MSL2: variants seen among roughly 807,000 people sequenced by gnomAD.
MSL2 encodes the protein E3 ubiquitin-protein ligase MSL2.
A neutral mutation model predicts 35.8 loss-of-function variants in MSL2; 2 were observed. The observed-to-expected ratio is 0.06, with a 90% CI of 0.02 to 0.18. The LOEUF (loss-of-function observed/expected upper bound fraction) is 0.18. Among genes scored for constraint, MSL2 ranks in the 10% least tolerant of loss-of-function variants. The pLI is 1.00. For synonymous variants in MSL2, 296 were observed against 255.7 expected (o/e 1.16, Z -1.50); for missense variants, 523 against 706.7 (o/e 0.74, Z 2.95).
intron 1 of MSL2, chr3:136,194,540 A>C (rs1940781133): frequency 1.5e-6 from 1 of 671,996 alleles, no homozygotes; most frequent in Non-Finnish European, 1.8e-6. Context: ...CACCACTCCC[A>C]CGTAACACCA....
chr3:136,190,223 G>A (rs1318836583), intron 1 of MSL2, among the ~76,000 whole-genome samples: 2 of 152,156 alleles, frequency 1.3e-5, no homozygotes, highest in Admixed American at 6.5e-5. Flanking sequence ...CCTGTGCCAT[G>A]TGTCTTATTC....
intron 1 of MSL2, among the ~76,000 whole-genome samples, chr3:136,184,903 A>T (rs1006074474): frequency 6.6e-6 from 1 of 152,088 alleles, no homozygotes; most frequent in African/African-American, 2.4e-5. Context: ...CTGTTGCAAA[A>T]CCTCATACTT....
At chr3:136,179,041 G>A (rs1371636034) in intron 1 of MSL2, among the ~76,000 whole-genome samples, 5 of 138,300 alleles carry the variant, frequency 3.6e-5, no homozygotes, top group African/African-American at 8.1e-5. Flanking sequence ...AGGCTGGAAC[G>A]CAGTGGCACA....
chr3:136,184,951 G>C lies in MSL2; in HGVS notation c.142+10021C>G, dbSNP rs532138491. 9.2e-5 allele frequency among the ~76,000 whole-genome samples: 14 copies of C among 152,180 alleles called. No individual in the cohort carries two copies. In the South Asian group the frequency reaches 2.7e-3, roughly 29 times the overall value. ...CCTAAAAATTTGGATTTTTATGTGA[G>C]GTCTAGGTTTGGAAACAGTAACCAC... On this transcript the variant is annotated intron_variant, in intron 1 of 1. Transcript: ENST00000309993.
At chr3:136,190,922 T>C (rs538853383) in intron 1 of MSL2, among the ~76,000 whole-genome samples, 1 of 152,300 alleles carries the variant, frequency 6.6e-6, no homozygotes, top group East Asian at 1.9e-4. Context: ...TCCCATTCAC[T>C]AGAAGCTTCA....
intron 1 of MSL2, among the ~76,000 whole-genome samples, chr3:136,167,498 CT>C (rs1322750126): frequency 3.9e-5 from 6 of 152,158 alleles, no homozygotes; most frequent in African/African-American, 1.4e-4. Context: ...CTCCATAATT[CT>C]TTTTCTGGTC....
chr3:136,151,955 T>G lies in MSL2; in HGVS notation c.926A>C (p.Gln309Pro), dbSNP rs139311655. 1 of 1,614,098 alleles carries G rather than the reference T, an allele frequency of 6.2e-7. No individual in the cohort carries two copies. The highest frequency in any genetic ancestry group is 1.3e-5 in the African/African-American group (1 of 74,930). Residue 309 changes from glutamine (Q) to proline (P), a missense_variant, in exon 2 of 2, where the codon CAG becomes CCG. Gln to Pro is a moderately conservative substitution (Grantham distance 76). Coordinates refer to ENST00000309993, the MANE Select transcript of MSL2 (RefSeq NM_018133.4). The surrounding 1 kb of genome is among the most constrained non-coding windows in gnomAD (Gnocchi z 5.2). The stretch of plus-strand genomic sequence containing the variant: ...CATAAAAACATTATGGCTAAGAGAC[T>G]GGGAAGAAAGCTGCAGAAAAGGTCC... ...SNGPFLQLSS[Q>P]SLSHNVFMST...
intron 1 of MSL2, among the ~76,000 whole-genome samples, chr3:136,183,031 C>G (rs1940413358): frequency 6.6e-6 from 1 of 151,878 alleles, no homozygotes; most frequent in Non-Finnish European, 1.5e-5. Flanking sequence ...AAGGATCAAA[C>G]AGTCTCCAAG....
intron 1 of MSL2, among the ~76,000 whole-genome samples, chr3:136,193,583 T>G (rs187553468): frequency 7.8e-4 from 113 of 144,748 alleles, no homozygotes; most frequent in Middle Eastern, 7.0e-3. Context: ...GTGAGGACAT[T>G]AAAAAAAAAA....
intron 1 of MSL2, among the ~76,000 whole-genome samples, chr3:136,188,441 A>AG (rs1239853929): frequency 9.3e-5 from 12 of 129,624 alleles, no homozygotes; most frequent in African/African-American, 3.3e-4. Flanking sequence ...TGGAAGAAGA[A>AG]AAAAAAAAAA....
intron 1 of MSL2, among the ~76,000 whole-genome samples, chr3:136,167,100 T>TATTATC: frequency 6.6e-6 from 1 of 152,272 alleles, no homozygotes; most frequent in East Asian, 1.9e-4. Flanking sequence ...GGCTAATACT[T>TATTATC]AGCAAAATTT....
At position 136,151,025 on chromosome 3, in the gene MSL2, GA is replaced by G. The variant is rs1939347796; in HGVS notation, c.*121del. 1 of 1,099,510 alleles carries G rather than the reference GA, an allele frequency of 9.1e-7. No homozygotes were observed. Among genetic ancestry groups the G allele is most frequent in the African/African-American group, 1.6e-5 (1 of 63,678 alleles). The allele number at this position is 1,099,510 out of a possible 1,614,324, so 68.1% of individuals were successfully genotyped here. ...ACACTAACACATATAACTTAGCAAT[GA>G]AAACACTTGATACAAGTGATCTATA... On this transcript the variant is annotated 3_prime_UTR_variant, in exon 2 of 2. Coordinates refer to ENST00000309993, the MANE Select transcript of MSL2 (RefSeq NM_018133.4). The surrounding 1 kb of genome is among the most constrained non-coding windows in gnomAD (Gnocchi z 5.2).
intron 1 of MSL2, among the ~76,000 whole-genome samples, chr3:136,175,977 T>C (rs1218633877): frequency 6.6e-6 from 1 of 151,550 alleles, no homozygotes; most frequent in African/African-American, 2.4e-5. Flanking sequence ...AAAATTAAAC[T>C]CCAAAATTAA....
Position 136,195,187 on chromosome 3 carries a change from C to G in MSL2, c.-74G>C. On this transcript the variant is annotated 5_prime_UTR_variant, in exon 1 of 2. Transcript: ENST00000309993. ...TCCAACTTAGTAAGCAGCCAGGGAA[C>G]GATGGCGAATTTGCAACAATTCGGA... is the stretch of plus-strand genomic sequence containing the variant. 1 of 1,547,278 alleles carries G rather than the reference C, an allele frequency of 6.5e-7. No individual in the cohort carries two copies. The highest frequency in any genetic ancestry group is 8.7e-7 in the Non-Finnish European group (1 of 1,150,162).
Position 136,150,928 on chromosome 3 carries a change from ATGAG to A in MSL2, c.*215_*218del. 1.9e-6 allele frequency: 1 copy of A among 523,670 alleles called. No individual in the cohort carries two copies. The highest frequency in any genetic ancestry group is 3.4e-6 in the Non-Finnish European group (1 of 295,908). 32.4% of individuals were successfully genotyped at this position (523,670 alleles called of 1,614,324 possible). A position where few individuals can be genotyped will look rare whatever the true frequency, so the allele number is the denominator to read the frequency against. ...GTTGCATCAGCTTTGTTCTCAAACT[ATGAG>A]GTTCTGTAAGAACTAAGGACATATA... On this transcript the variant is annotated 3_prime_UTR_variant, in exon 2 of 2. Coordinates refer to ENST00000309993, the MANE Select transcript of MSL2 (RefSeq NM_018133.4).
rs574841379 is a variant in MSL2 at position 136,170,492 on chromosome 3, GAA to G, written c.143-17756_143-17755del. Among the ~76,000 whole-genome samples, 409 of 138,068 alleles carry G rather than the reference GAA, an allele frequency of 3.0e-3. 2 individuals carry two copies. The highest frequency in any genetic ancestry group is 0.01 in the African/African-American group (390 of 37,742). 90.6% of individuals were successfully genotyped at this position (138,068 alleles called of 152,430 possible). A position where few individuals can be genotyped will look rare whatever the true frequency, so the allele number is the denominator to read the frequency against. On this transcript the variant is annotated intron_variant, in intron 1 of 1. Coordinates refer to ENST00000309993, the MANE Select transcript of MSL2 (RefSeq NM_018133.4). ...CCATTTTCTACAGGATGACCAAAAG[GAA>G]AAAAAACTCTGTCCTTTTTTTTTTT...
At chr3:136,188,681 G>C (rs1325271886) in intron 1 of MSL2, among the ~76,000 whole-genome samples, 1 of 146,226 alleles carries the variant, frequency 6.8e-6, no homozygotes, top group African/African-American at 2.5e-5. Context: ...AGCCCACATC[G>C]AGCCACTGCA....
chr3:136,162,021 T>TC (rs1367386705), intron 1 of MSL2, among the ~76,000 whole-genome samples: 1 of 151,604 alleles, frequency 6.6e-6, no homozygotes, highest in African/African-American at 2.4e-5. Context: ...CACTACAACC[T>TC]CTGCCTCCTG....
rs377232310 is a variant in MSL2 at position 136,152,392 on chromosome 3, G to A, written c.489C>T (p.Thr163=). The change falls in exon 2 of 2, where the codon ACC becomes ACT. Residue 163 remains threonine, a synonymous_variant. Coordinates refer to ENST00000309993, the MANE Select transcript of MSL2 (RefSeq NM_018133.4). ...CTTGAGGATCAGTTGTGGGTTCTGA[G>A]GTTGAAGGTAAAGGGGAATGTGTCA... ...LCLTHSPLPS[T]SEPTTDPQAS... 6.2e-7 allele frequency: 1 copy of A among 1,614,040 alleles called. No homozygotes were observed. Among genetic ancestry groups the A allele is most frequent in the African/African-American group, 1.3e-5 (1 of 74,924 alleles).
Sources: allele counts gnomAD v4.1 joint callset (sites outside exome capture counted in the v4.1 genomes callset), GRCh38; gene constraint gnomAD v4.1.1; non-coding constraint Gnocchi (gnomAD v3.1); transcripts MANE v1.5; gene names NCBI Gene and HGNC (gene_info 2026-07-23, HGNC 2026-07-21).